Variants in ARX observed in about 807,000 individuals in gnomAD.
ARX encodes homeobox protein ARX.
Under a neutral mutation model 23.1 loss-of-function variants are expected in ARX, and 1 was observed. The observed-to-expected ratio is 0.04, with a 90% CI of 0.02 to 0.21. The LOEUF is 0.21. Ranked by LOEUF, ARX falls within the 10% of genes least tolerant of loss-of-function variation. ARX has a pLI of 1.00. For missense variants in ARX, 380 were observed against 527.5 expected, an observed-to-expected ratio of 0.72 and a Z score of 2.74; for synonymous variants, 301 against 270.1, an observed-to-expected ratio of 1.11 and a Z score of -1.12.
rs866153168 is a variant in ARX, at chrX:25,015,614, G to A, written c.124C>T (p.Arg42Trp). 1 of 1,210,170 alleles carries A rather than the reference G, an allele frequency of 8.3e-7. No individual in the cohort carries two copies. The highest frequency in any genetic ancestry group is 1.1e-6 in the Non-Finnish European group (1 of 894,592). ...ILGRRSPCKM[R>W]LLGAAQSLPA... ...AAGCTCTGCGCGGCTCCCAGCAACC[G>A]CATTTTGCACGGGCTCCTCCGGCCC... The change falls in exon 1 of 5, where the codon CGG becomes TGG. Residue 42 changes from arginine to tryptophan, a missense_variant. This residue lies in a region of ARX where 235 missense variants were observed against 270.2 expected (regional missense o/e 0.87). Coordinates refer to ENST00000379044, the MANE Select transcript of ARX (RefSeq NM_139058.3).
rs753379293 is a variant in ARX at position 25,010,433 on chromosome X, A to G, written c.1074-128T>C. On this transcript the variant is annotated intron_variant, in intron 2 of 4. Transcript: ENST00000379044. ...CTGGCTGCCTGCCCCCCACCCCCAA[A>G]CATATGGGCATTACCATTCCATCAC... 1.2e-5 allele frequency: 9 copies of G among 745,203 alleles called. No homozygotes were observed. In the East Asian group the frequency reaches 3.1e-4, roughly 26 times the overall value. The allele number at this position is 745,203 out of a possible 1,213,427, so 61.4% of individuals were successfully genotyped here. A position where few individuals can be genotyped will look rare whatever the true frequency, so the allele number is the denominator to read the frequency against.
chrX:25,010,176 A>ACC (rs762866252), intron 3 of ARX, 84 bp downstream of exon 3: 1 of 278,123 alleles, frequency 3.6e-6, no homozygotes, highest in South Asian at 3.7e-5. Context: ...CACCCCCCGC[A>ACC]CCCCCCCGCC....
chrX:25,014,750 C>T (rs1185429501), intron 1 of ARX, among the ~76,000 whole-genome samples: 4 of 112,453 alleles, frequency 3.6e-5, no homozygotes, highest in East Asian at 2.8e-4. Flanking sequence ...ATCCAAATTG[C>T]GCTATGGCCG....
Position 25,003,702 on chromosome X carries a change from A to G in ARX, c.*968T>C, listed in dbSNP as rs1294998715. 1 of 111,921 alleles carries G rather than the reference A, an allele frequency of 8.9e-6. No individual in the cohort carries two copies. The highest frequency in any genetic ancestry group is 1.9e-5 in the Non-Finnish European group (1 of 53,190). 9.2% of individuals were successfully genotyped at this position (111,921 alleles called of 1,213,427 possible). A position where few individuals can be genotyped will look rare whatever the true frequency, so the allele number is the denominator to read the frequency against. On this transcript the variant is annotated 3_prime_UTR_variant, in exon 5 of 5. Coordinates refer to ENST00000379044, the MANE Select transcript of ARX (RefSeq NM_139058.3). ...GGAGCATTCACACTTCGTTTTGTTA[A>G]ACATATAATTTTTTTATTTTGAGCG...
chrX:25,013,223 C>G lies in ARX; in HGVS notation c.772G>C (p.Ala258Pro). 2 of 1,161,784 alleles carry G rather than the reference C, an allele frequency of 1.7e-6. No individual in the cohort carries two copies. The highest frequency in any genetic ancestry group is 2.3e-6 in the Non-Finnish European group (2 of 871,203). The stretch of plus-strand genomic sequence containing the variant: ...CAGCGCCGGGGCTCCTTGAGCAGCG[C>G]GCGGGCGTCGTCCTCCAGCAGCTCC... ...EEELLEDDARALLKEPRRCPV... is the reference protein window; with the variant it reads ...EEELLEDDARPLLKEPRRCPV... The change falls in exon 2 of 5, where the codon GCG becomes CCG. Residue 258 changes from alanine (A) to proline (P), a missense_variant. By Grantham distance (27) the Ala-to-Pro change is conservative. Transcript: ENST00000379044.
chrX:25,005,809 C>T (rs1004561567), intron 4 of ARX, among the ~76,000 whole-genome samples: 2 of 112,686 alleles, frequency 1.8e-5, no homozygotes, highest in Non-Finnish European at 3.8e-5. Context: ...CACACAGCAC[C>T]GGGACATTAG....
At chrX:25,009,958 AG>A (rs2048694930) in intron 3 of ARX, among the ~76,000 whole-genome samples, 1 of 111,059 alleles carries the variant, frequency 9.0e-6, no homozygotes, top group Non-Finnish European at 1.9e-5. Context: ...TGTTTCCTAT[AG>A]GAGCTTTGGG....
chrX:25,012,835 G>GGCC (rs976074798), intron 2 of ARX, 87 bp downstream of exon 2: 1 of 1,161,894 alleles, frequency 8.6e-7, no homozygotes, highest in African/African-American at 1.8e-5. Flanking sequence ...TCCGCCCCGA[G>GGCC]GCCGGGGCCC....
At chrX:25,010,105 TGA>T (rs2048695546) in intron 3 of ARX, among the ~76,000 whole-genome samples, 153 bp downstream of exon 3, 1 of 111,342 alleles carries the variant, frequency 9.0e-6, no homozygotes, top group Non-Finnish European at 1.9e-5. Context: ...TCTTTGTGTG[TGA>T]GAGAGTGCTT....
intron 3 of ARX, among the ~76,000 whole-genome samples, chrX:25,009,158 A>G (rs765192840): frequency 8.9e-6 from 1 of 111,801 alleles, no homozygotes; most frequent in South Asian, 3.8e-4. Context: ...TCCCGGCTCA[A>G]CTGCAATTAT....
Position 25,007,248 on chromosome X carries a change from G to GGCC in ARX, c.1310_1311insGGC (p.Ala440dup), listed in dbSNP as rs1064796084. 7 of 1,119,934 alleles carry GGCC rather than the reference G, an allele frequency of 6.3e-6. No individual in the cohort carries two copies. The highest frequency in any genetic ancestry group is 8.2e-6 in the Non-Finnish European group (7 of 857,435). 92.3% of individuals were successfully genotyped at this position (1,119,934 alleles called of 1,213,427 possible). The stretch of plus-strand genomic sequence containing the variant: ...GAGGTAGGCTCGGGAAGGCGGCGGC[G>GGCC]GCGGCGGCGGCAGCGGCAGTCCAAG... On this transcript the variant is annotated inframe_insertion, in exon 4 of 5. Coordinates refer to ENST00000379044, the MANE Select transcript of ARX (RefSeq NM_139058.3).
rs1297664217 is a variant in ARX at position 25,015,821 on chromosome X, G to A, written c.-84C>T. 2.0e-6 allele frequency: 2 copies of A among 985,889 alleles called. No individual in the cohort carries two copies. The highest frequency in any genetic ancestry group is 3.8e-5 in the African/African-American group (2 of 52,451). The allele number at this position is 985,889 out of a possible 1,213,427, so 81.2% of individuals were successfully genotyped here. On this transcript the variant is annotated 5_prime_UTR_variant, in exon 1 of 5. Transcript: ENST00000379044. ...TGGGATGGATGGGTGTGTGTTGGGG[G>A]TGGGGTTAGATAGCGGGTTATAACG...
Position 25,004,301 on chromosome X carries a change from T to A in ARX, c.*369A>T. 1 of 176,210 alleles carries A rather than the reference T, an allele frequency of 5.7e-6. No individual in the cohort carries two copies. The highest frequency in any genetic ancestry group is 1.0e-5 in the Non-Finnish European group (1 of 95,852). 14.5% of individuals were successfully genotyped at this position (176,210 alleles called of 1,213,427 possible). A position where few individuals can be genotyped will look rare whatever the true frequency, so the allele number is the denominator to read the frequency against. ...AGAAAGAAAGAAAGAAAAGAAAGGCTAAGTGGGGTGTCAGGAGGAAGAGGT... is the reference window on the plus strand; with the variant it reads ...AGAAAGAAAGAAAGAAAAGAAAGGCAAAGTGGGGTGTCAGGAGGAAGAGGT... On this transcript the variant is annotated 3_prime_UTR_variant, in exon 5 of 5. Coordinates refer to ENST00000379044, the MANE Select transcript of ARX (RefSeq NM_139058.3).
At chrX:25,008,326 G>C (rs886141929) in intron 3 of ARX, among the ~76,000 whole-genome samples, 1 of 112,911 alleles carries the variant, frequency 8.9e-6, no homozygotes, top group Non-Finnish European at 1.9e-5. Flanking sequence ...GGGCATGATA[G>C]GTGTAGACTT....
At chrX:25,010,189 C>CCA in intron 3 of ARX, 71 bp downstream of exon 3, 3 of 1,071,328 alleles carry the variant, frequency 2.8e-6, no homozygotes, top group Non-Finnish European at 2.6e-6. Context: ...CCCCCGCCAC[C>CCA]AACCCATCTC....
intron 4 of ARX, among the ~76,000 whole-genome samples, chrX:25,005,136 A>C (rs1235533241): frequency 1.8e-5 from 2 of 111,368 alleles, no homozygotes; most frequent in Non-Finnish European, 3.8e-5. Flanking sequence ...CCGAGTCCAG[A>C]TATTCCCCGA....
intron 3 of ARX, 41 bp from the exon 4 acceptor site, chrX:25,007,480 C>G (rs1336223176): frequency 8.8e-7 from 1 of 1,138,911 alleles, no homozygotes; most frequent in Non-Finnish European, 1.2e-6. Flanking sequence ...CGGCTCGGCC[C>G]GGCGGGCGCA....
chrX:25,007,651 A>T (rs995252567), intron 3 of ARX, among the ~76,000 whole-genome samples: 5 of 111,763 alleles, frequency 4.5e-5, no homozygotes, highest in Non-Finnish European at 9.4e-5. Flanking sequence ...TCAGCAGGAA[A>T]CAGGACAAGC....
At chrX:25,010,184 G>GC in intron 3 of ARX, 76 bp downstream of exon 3, 1 of 225,186 alleles carries the variant, frequency 4.4e-6, no homozygotes, top group Non-Finnish European at 7.6e-6. Context: ...GCACCCCCCC[G>GC]CCACCAACCC....
Sources: allele counts gnomAD v4.1 joint callset (sites outside exome capture counted in the v4.1 genomes callset), GRCh38; gene constraint gnomAD v4.1.1; regional missense constraint gnomAD v4.1.1; transcripts MANE v1.5; gene names NCBI Gene and HGNC (gene_info 2026-07-23, HGNC 2026-07-21).